ZFR: variants seen among roughly 807,000 people sequenced by gnomAD.
ZFR encodes the protein zinc finger RNA binding protein.
In ZFR, 19 loss-of-function variants were observed where a neutral mutation model predicts 130.7. That is an observed-to-expected ratio of 0.15 (90% CI 0.10 to 0.21). The LOEUF (loss-of-function observed/expected upper bound fraction) is 0.21. Ranked by LOEUF, ZFR falls within the 10% of genes least tolerant of loss-of-function variation. The pLI is 1.00. For synonymous variants in ZFR, 466 were observed against 456.9 expected, an observed-to-expected ratio of 1.02 and a Z score of -0.25; for missense variants, 872 against 1,321.5, an observed-to-expected ratio of 0.66 and a Z score of 5.27.
chr5:32,420,595 C>T (rs144100309), intron 2 of ZFR, among the ~76,000 whole-genome samples: 40 of 152,290 alleles, frequency 2.6e-4, no homozygotes, highest in Non-Finnish European at 4.1e-4. Flanking sequence ...TTAAAAAATA[C>T]TTCTGTTGCT....
At chr5:32,409,550 C>G (rs1019935359) in intron 5 of ZFR, among the ~76,000 whole-genome samples, 2 of 151,810 alleles carry the variant, frequency 1.3e-5, no homozygotes, top group African/African-American at 4.8e-5. Flanking sequence ...GGATTACAGG[C>G]GTGTACCACC....
intron 15 of ZFR, among the ~76,000 whole-genome samples, chr5:32,384,397 T>C (rs1752992752): frequency 6.6e-6 from 1 of 152,216 alleles, no homozygotes; most frequent in Admixed American, 6.5e-5. Context: ...ATGCAAAGTA[T>C]GTAAAATTAG....
At chr5:32,400,343 G>T in intron 8 of ZFR, 140 bp from the exon 9 acceptor site, 1 of 597,372 alleles carries the variant, frequency 1.7e-6, no homozygotes, top group Non-Finnish European at 2.6e-6. Context: ...GAATTTTGAA[G>T]AACTACATAA....
Position 32,417,385 on chromosome 5 carries a change from TATC to T in ZFR, c.565+260_565+262del, listed in dbSNP as rs1581707693. ...CAAAGATAAAAATGTGTTCAGAAGT[TATC>T]ATCACAGGTTCTTTTGCACAGCTTA... On this transcript the variant is annotated intron_variant, in intron 4 of 19. Coordinates refer to ENST00000265069, the MANE Select transcript of ZFR (RefSeq NM_016107.5). Among the ~76,000 whole-genome samples, 3 of 152,190 alleles carry T rather than the reference TATC, an allele frequency of 2.0e-5. No homozygotes were observed. The East Asian group carries it at 5.8e-4, about 29-fold the overall frequency.
intron 4 of ZFR, 61 bp from the exon 5 acceptor site, chr5:32,415,248 G>T: frequency 7.5e-7 from 1 of 1,341,788 alleles, no homozygotes; most frequent in Non-Finnish European, 1.0e-6. Flanking sequence ...TACTGTACCA[G>T]TATCCTTAAA....
intron 2 of ZFR, among the ~76,000 whole-genome samples, chr5:32,441,816 A>G (rs1031380065): frequency 1.3e-5 from 2 of 152,230 alleles, no homozygotes; most frequent in African/African-American, 4.8e-5. Context: ...TTTATATACA[A>G]GGCCTTATGT....
rs950374721 is a variant in ZFR, at chr5:32,444,539, C to G, written c.37+83G>C. 5.7e-6 allele frequency: 8 copies of G among 1,409,078 alleles called. No homozygotes were observed. The African/African-American group carries it at 1.2e-4, about 22-fold the overall frequency. 87.3% of individuals were successfully genotyped at this position (1,409,078 alleles called of 1,614,324 possible). ...GGCGGCCGCCGCCTCCTCCCCGGAGCCTGCCCCAACCCCCGCGGCTCCCCG... is the reference window on the plus strand; with the variant it reads ...GGCGGCCGCCGCCTCCTCCCCGGAGGCTGCCCCAACCCCCGCGGCTCCCCG... On this transcript the variant is annotated intron_variant, in intron 1 of 19. Coordinates refer to ENST00000265069, the MANE Select transcript of ZFR (RefSeq NM_016107.5).
Position 32,406,867 on chromosome 5 carries a change from T to C in ZFR, c.939A>G (p.Pro313=), listed in dbSNP as rs1753589262. ...WTGTTFTKKA[P]FQNKQLKPKQ... ...TTGGTTTCAGTTGTTTATTTTGGAA[T>C]GGTGCTTTTTTAGTAAAGGTGGTCC... Residue 313 remains proline, a synonymous_variant, in exon 6 of 20, where the codon CCA becomes CCG. Coordinates refer to ENST00000265069, the MANE Select transcript of ZFR (RefSeq NM_016107.5). 1.2e-6 allele frequency: 2 copies of C among 1,614,082 alleles called. No homozygotes were observed. The highest frequency in any genetic ancestry group is 1.7e-6 in the Non-Finnish European group (2 of 1,179,982).
At chr5:32,413,178 G>A (rs533081324) in intron 5 of ZFR, among the ~76,000 whole-genome samples, 1 of 146,658 alleles carries the variant, frequency 6.8e-6, no homozygotes, top group Admixed American at 6.9e-5. Flanking sequence ...GACAGAGTGA[G>A]ACTCTTTTAA....
chr5:32,432,165 G>A (rs757394136), intron 2 of ZFR, among the ~76,000 whole-genome samples: 10 of 151,968 alleles, frequency 6.6e-5, no homozygotes, highest in East Asian at 1.9e-4. Context: ...GTAATTGTTC[G>A]CAGAGATGCT....
chr5:32,364,392 T>A (rs1752496238), intron 17 of ZFR, 117 bp from the exon 18 acceptor site: 1 of 647,994 alleles, frequency 1.5e-6, no homozygotes, highest in Non-Finnish European at 2.6e-6. Context: ...ATAGAACAAG[T>A]CACAAAAACA....
intron 2 of ZFR, among the ~76,000 whole-genome samples, chr5:32,428,932 C>T (rs941497581): frequency 4.6e-5 from 7 of 150,608 alleles, no homozygotes; most frequent in South Asian, 2.1e-4. Flanking sequence ...GGCTACCAAA[C>T]GAACCACCAC....
intron 12 of ZFR, among the ~76,000 whole-genome samples, chr5:32,389,314 T>G (rs1450271458): frequency 6.6e-6 from 1 of 152,182 alleles, no homozygotes; most frequent in African/African-American, 2.4e-5. Context: ...TCTAAGCCAC[T>G]GGTAATGGAA....
intron 17 of ZFR, among the ~76,000 whole-genome samples, chr5:32,376,260 T>C (rs1752805369): frequency 6.6e-6 from 1 of 152,176 alleles, no homozygotes; most frequent in Non-Finnish European, 1.5e-5. Context: ...CTACTGTAAA[T>C]TAGAATATAT....
intron 14 of ZFR, among the ~76,000 whole-genome samples, 157 bp downstream of exon 14, chr5:32,387,392 G>C (rs1376890829): frequency 6.6e-6 from 1 of 152,022 alleles, no homozygotes; most frequent in Non-Finnish European, 1.5e-5. Flanking sequence ...GTAGAAAATA[G>C]TTTCATCAGT....
At chr5:32,398,938 A>G (rs761656233) in intron 9 of ZFR, among the ~76,000 whole-genome samples, 2 of 151,966 alleles carry the variant, frequency 1.3e-5, no homozygotes, top group Non-Finnish European at 2.9e-5. Context: ...ATCCATAGAT[A>G]ATTTTTCTTG....
chr5:32,372,435 C>T (rs144326808), intron 17 of ZFR, among the ~76,000 whole-genome samples: 138 of 152,222 alleles, frequency 9.1e-4, no homozygotes, highest in Middle Eastern at 3.4e-3. Context: ...CCTTGAAAAA[C>T]GTGAGTTTGA....
intron 11 of ZFR, among the ~76,000 whole-genome samples, chr5:32,393,453 C>T (rs1753226376): frequency 6.6e-6 from 1 of 151,834 alleles, no homozygotes; most frequent in South Asian, 2.1e-4. Context: ...AAGCAATTCT[C>T]CTGCCTCAGC....
chr5:32,393,505 G>A (rs1753228560), intron 11 of ZFR, among the ~76,000 whole-genome samples: 1 of 151,926 alleles, frequency 6.6e-6, no homozygotes, highest in Non-Finnish European at 1.5e-5. Flanking sequence ...CACCACGCCG[G>A]CTAATTTTGT....
Sources: allele counts gnomAD v4.1 joint callset (sites outside exome capture counted in the v4.1 genomes callset), GRCh38; gene constraint gnomAD v4.1.1; transcripts MANE v1.5; gene names NCBI Gene and HGNC (gene_info 2026-07-23, HGNC 2026-07-21).